Variants in FBXL17 observed in about 807,000 individuals in gnomAD.
FBXL17 encodes F-box and leucine rich repeat protein 17.
In FBXL17, 22 loss-of-function variants were observed where a neutral mutation model predicts 66.2. The observed-to-expected ratio is 0.33, with a 90% confidence interval of 0.24 to 0.47. FBXL17 has a LOEUF of 0.47. Among genes scored for constraint, FBXL17 ranks in the 20% least tolerant of loss-of-function variants. The pLI, the probability that FBXL17 is intolerant of heterozygous loss-of-function variation, is 1.00. For synonymous variants in FBXL17, 474 were observed against 400.5 expected (o/e 1.18, Z -2.19); for missense variants, 878 against 948.2 (o/e 0.93, Z 0.97).
chr5:107,876,445 G>C (rs1195547307), intron 8 of FBXL17, among the ~76,000 whole-genome samples: 2 of 152,192 alleles, frequency 1.3e-5, no homozygotes, highest in Non-Finnish European at 1.5e-5. Context: ...TGGCATTTGA[G>C]AATTGCTACG....
At chr5:107,943,217 A>G (rs899219506) in intron 7 of FBXL17, among the ~76,000 whole-genome samples, 2 of 152,154 alleles carry the variant, frequency 1.3e-5, no homozygotes, top group East Asian at 1.9e-4. Context: ...CTTTAGAGAC[A>G]TAAGTGCAAT....
intron 3 of FBXL17, among the ~76,000 whole-genome samples, chr5:108,351,097 A>G (rs769840770): frequency 6.6e-6 from 1 of 152,212 alleles, no homozygotes; most frequent in Non-Finnish European, 1.5e-5. Context: ...TTTGGTCTTC[A>G]TTAGTGTTAA....
intron 6 of FBXL17, among the ~76,000 whole-genome samples, chr5:108,162,698 G>A (rs1726067079): frequency 6.6e-6 from 1 of 152,168 alleles, no homozygotes; most frequent in South Asian, 2.1e-4. Context: ...CACTGGGCAA[G>A]TTATTTAATC....
intron 6 of FBXL17, among the ~76,000 whole-genome samples, chr5:108,088,313 A>T (rs1749047529): frequency 6.6e-6 from 1 of 152,156 alleles, no homozygotes; most frequent in Non-Finnish European, 1.5e-5. Flanking sequence ...CACAAAATCC[A>T]TGGACATTCA....
intron 4 of FBXL17, among the ~76,000 whole-genome samples, chr5:108,270,484 A>G (rs952360350): frequency 7.3e-5 from 11 of 149,776 alleles, no homozygotes; most frequent in Non-Finnish European, 1.6e-4. Context: ...AAATACATAA[A>G]TCACATATTT....
At chr5:108,019,447 G>T (rs1016712503) in intron 7 of FBXL17, among the ~76,000 whole-genome samples, 4 of 151,988 alleles carry the variant, frequency 2.6e-5, no homozygotes, top group African/African-American at 9.7e-5. Context: ...TTACACTGCA[G>T]AATCTCAGAA....
rs187039882 is a variant in FBXL17, at chr5:108,172,807, T to G, written c.1745+13310A>C. ...CAAGAGCAGCTTTATTTTATTTGTTTATTGTTTTTTGAGATGGAGTTTAGC... is the reference window on the plus strand; with the variant it reads ...CAAGAGCAGCTTTATTTTATTTGTTGATTGTTTTTTGAGATGGAGTTTAGC... On this transcript the variant is annotated intron_variant, in intron 6 of 8. Coordinates refer to ENST00000542267, the MANE Select transcript of FBXL17 (RefSeq NM_001163315.3). Among the ~76,000 whole-genome samples, 245 of 152,280 alleles carry G rather than the reference T, an allele frequency of 1.6e-3. 1 individual carries two copies. Among genetic ancestry groups the G allele is most frequent in the African/African-American group, 5.3e-3 (220 of 41,568 alleles).
chr5:108,299,999 C>T (rs1004136800), intron 4 of FBXL17, among the ~76,000 whole-genome samples: 1 of 151,882 alleles, frequency 6.6e-6, no homozygotes, highest in African/African-American at 2.4e-5. Flanking sequence ...TCCATTCTTA[C>T]GGACAATTCT....
intron 6 of FBXL17, among the ~76,000 whole-genome samples, chr5:108,024,235 G>C (rs1279452230): frequency 6.6e-6 from 1 of 152,064 alleles, no homozygotes; most frequent in Non-Finnish European, 1.5e-5. Flanking sequence ...AGATAATTAA[G>C]AAAAATTCAT....
intron 7 of FBXL17, among the ~76,000 whole-genome samples, chr5:107,987,261 TG>T (rs34884528): frequency 0.18 from 27,115 of 150,784 alleles, 2,769 homozygotes; most frequent in Middle Eastern, 0.24. Flanking sequence ...ATAAGTAGTA[TG>T]GATTTTCAGC....
chr5:107,955,955 T>C (rs1392286899), intron 7 of FBXL17, among the ~76,000 whole-genome samples: 2 of 152,120 alleles, frequency 1.3e-5, no homozygotes, highest in Non-Finnish European at 2.9e-5. Context: ...AAAAAATCAA[T>C]TACCTCAAAA....
At chr5:108,265,099 A>G (rs142530287) in intron 4 of FBXL17, among the ~76,000 whole-genome samples, 43 of 152,188 alleles carry the variant, frequency 2.8e-4, no homozygotes, top group African/African-American at 9.4e-4. Flanking sequence ...GCTTTAATCA[A>G]TGATTTATCT....
At chr5:107,962,966 A>C (rs1003206525) in intron 7 of FBXL17, among the ~76,000 whole-genome samples, 4 of 152,192 alleles carry the variant, frequency 2.6e-5, no homozygotes. Context: ...TTCATGGTAC[A>C]AAACCCATCC....
At chr5:108,163,533 G>A (rs13173024) in intron 6 of FBXL17, among the ~76,000 whole-genome samples, 5 of 151,510 alleles carry the variant, frequency 3.3e-5, no homozygotes, top group African/African-American at 1.2e-4. Flanking sequence ...CCCGAGTAGC[G>A]GGGACTACAG....
intron 7 of FBXL17, among the ~76,000 whole-genome samples, chr5:108,019,640 AT>A (rs1314022079): frequency 6.6e-6 from 1 of 151,726 alleles, no homozygotes; most frequent in Non-Finnish European, 1.5e-5. Flanking sequence ...ATATACATAT[AT>A]AATACACACA....
intron 4 of FBXL17, among the ~76,000 whole-genome samples, chr5:108,311,554 T>C (rs1459377167): frequency 1.3e-5 from 2 of 152,154 alleles, no homozygotes; most frequent in African/African-American, 4.8e-5. Flanking sequence ...TTCTTCCAAA[T>C]GTACAATACA....
chr5:108,368,614 G>T (rs1748828022), intron 1 of FBXL17, among the ~76,000 whole-genome samples: 1 of 151,992 alleles, frequency 6.6e-6, no homozygotes, highest in African/African-American at 2.4e-5. Context: ...GACTAAGAAA[G>T]AATGACAACT....
intron 7 of FBXL17, among the ~76,000 whole-genome samples, chr5:107,961,248 A>G (rs1751894059): frequency 6.6e-6 from 1 of 150,526 alleles, no homozygotes; most frequent in African/African-American, 2.5e-5. Flanking sequence ...TTTTTGAGAC[A>G]GGGTCTTGCT....
intron 6 of FBXL17, among the ~76,000 whole-genome samples, chr5:108,096,437 G>C (rs1013451370): frequency 6.6e-6 from 1 of 152,104 alleles, no homozygotes; most frequent in Non-Finnish European, 1.5e-5. Flanking sequence ...AATACCAAAC[G>C]TATGGAAGAT....
Sources: gnomAD v4.1 joint callset for allele counts (sites outside exome capture counted in the v4.1 genomes callset) on GRCh38, gnomAD v4.1.1 for gene constraint, MANE v1.5 for transcripts, NCBI Gene and HGNC (gene_info 2026-07-23, HGNC 2026-07-21) for gene names.